KCNIP1: variants seen among roughly 807,000 people sequenced by gnomAD.
KCNIP1 encodes potassium voltage-gated channel interacting protein 1.
In KCNIP1, 18 loss-of-function variants were observed where a neutral mutation model predicts 33.0. The observed-to-expected ratio is 0.55, with a 90% CI of 0.38 to 0.81. The LOEUF (loss-of-function observed/expected upper bound fraction) is 0.81, where lower values mean the gene tolerates loss of function less well. KCNIP1 is among the 30% of genes least tolerant of loss of function. The pLI is 0.00. For synonymous variants in KCNIP1, 93 were observed against 98.3 expected, an observed-to-expected ratio of 0.95 and a Z score of 0.32; for missense variants, 238 against 271.6, an observed-to-expected ratio of 0.88 and a Z score of 0.87.
chr5:170,372,255 C>T lies in KCNIP1; in HGVS notation c.88+18291C>T, dbSNP rs371373098. 6.8e-4 allele frequency among the ~76,000 whole-genome samples: 104 copies of T among 152,230 alleles called. 5 individuals are homozygous for T. The South Asian group carries it at 0.02, about 29-fold the overall frequency. On this transcript the variant is annotated intron_variant, in intron 1 of 7. Transcript: ENST00000377360. The stretch of plus-strand genomic sequence containing the variant: ...AGGATATAACTCAGAAACAGGCAGA[C>T]GGAAGAGACACACAGGGCAAGGTAT...
chr5:170,496,462 T>C lies in KCNIP1; in HGVS notation c.88+142498T>C, dbSNP rs116671259. Among the ~76,000 whole-genome samples the C allele has an allele frequency of 6.8e-3, 1,042 of 152,310 alleles. 13 individuals are homozygous for C. Among genetic ancestry groups the C allele is most frequent in the African/African-American group, 0.024 (1,004 of 41,568 alleles). ...TCAGGAAGGTTGCTTAACCTCTCTG[T>C]GCCTTAGCTGCCTCATCTATAAAAC... is the stretch of plus-strand genomic sequence containing the variant. On this transcript the variant is annotated intron_variant, in intron 1 of 7. Transcript: ENST00000377360.
At chr5:170,705,845 T>C (rs1245323636) in intron 1 of KCNIP1, among the ~76,000 whole-genome samples, 1 of 152,188 alleles carries the variant, frequency 6.6e-6, no homozygotes, top group Non-Finnish European at 1.5e-5. Flanking sequence ...GATTCTGTTG[T>C]TGAGAATGAC....
intron 5 of KCNIP1, among the ~76,000 whole-genome samples, chr5:170,731,872 C>CAAAAAA (rs1157286321): frequency 3.3e-3 from 54 of 16,146 alleles, no homozygotes; most frequent in Non-Finnish European, 4.7e-3. Context: ...GACTCCGTCT[C>CAAAAAA]AAAAAAAAAA....
At chr5:170,522,209 C>G (rs1419631640) in intron 1 of KCNIP1, among the ~76,000 whole-genome samples, 1 of 152,238 alleles carries the variant, frequency 6.6e-6, no homozygotes, top group Non-Finnish European at 1.5e-5. Context: ...CGCACCAAGC[C>G]TATCCAGGGA....
chr5:170,720,972 C>T (rs895211567), intron 3 of KCNIP1, among the ~76,000 whole-genome samples: 1 of 152,264 alleles, frequency 6.6e-6, no homozygotes, highest in Non-Finnish European at 1.5e-5. Flanking sequence ...TGCTCTGTTG[C>T]CCTGCCCGAC....
At chr5:170,581,125 G>A (rs1421940875) in intron 1 of KCNIP1, among the ~76,000 whole-genome samples, 2 of 152,170 alleles carry the variant, frequency 1.3e-5, no homozygotes, top group African/African-American at 4.8e-5. Context: ...TTCTTAGCCT[G>A]GGATGCAAAA....
chr5:170,733,735 G>T, intron 6 of KCNIP1, 101 bp from the exon 7 acceptor site: 1 of 955,726 alleles, frequency 1.0e-6, no homozygotes, highest in Non-Finnish European at 1.6e-6. Flanking sequence ...AATGAAATGA[G>T]CTCCAGCTCG....
upstream of KCNIP1, among the ~76,000 whole-genome samples, chr5:170,501,048 A>G (rs1033806630): frequency 3.9e-5 from 6 of 152,214 alleles, no homozygotes; most frequent in African/African-American, 9.7e-5. Context: ...GGTTAAGCAG[A>G]AAGTAGAGAG....
At chr5:170,435,322 A>G (rs1003602676) in intron 1 of KCNIP1, among the ~76,000 whole-genome samples, 1 of 152,176 alleles carries the variant, frequency 6.6e-6, no homozygotes, top group Admixed American at 6.5e-5. Context: ...CCTCATCCCC[A>G]GCTTCTGAGG....
chr5:170,376,148 T>TC, intron 1 of KCNIP1: 1 of 144,642 alleles, frequency 6.9e-6, no homozygotes, highest in Non-Finnish European at 1.5e-5. Context: ...TCATGACTTA[T>TC]TCTTTTTTTT....
intron 1 of KCNIP1, among the ~76,000 whole-genome samples, chr5:170,663,231 A>G (rs576315062): frequency 9.2e-5 from 14 of 152,216 alleles, no homozygotes; most frequent in Non-Finnish European, 1.3e-4. Context: ...GTTGCTAAAC[A>G]TCTGAGCCAG....
intron 1 of KCNIP1, among the ~76,000 whole-genome samples, chr5:170,555,044 C>T (rs2113434540): frequency 6.6e-6 from 1 of 152,276 alleles, no homozygotes; most frequent in African/African-American, 2.4e-5. Flanking sequence ...TGTAATTATC[C>T]CTCATTGCTG....
chr5:170,484,650 TC>T (rs1757045469), intron 1 of KCNIP1, among the ~76,000 whole-genome samples: 2 of 152,036 alleles, frequency 1.3e-5, no homozygotes, highest in Admixed American at 1.3e-4. Flanking sequence ...TCTCAACATG[TC>T]CTTCTCTCTA....
intron 1 of KCNIP1, among the ~76,000 whole-genome samples, chr5:170,606,915 G>A (rs943416798): frequency 4.6e-5 from 7 of 152,176 alleles, no homozygotes; most frequent in Non-Finnish European, 5.9e-5. Context: ...ACCAGGCAGC[G>A]CCCTAGGCTG....
At chr5:170,517,921 A>T in intron 1 of KCNIP1, among the ~76,000 whole-genome samples, 1 of 144,408 alleles carries the variant, frequency 6.9e-6, no homozygotes, top group Non-Finnish European at 1.5e-5. Context: ...GGAGGCGGTG[A>T]TGGTGATAAT....
intron 1 of KCNIP1, among the ~76,000 whole-genome samples, chr5:170,548,583 CT>C (rs1334791281): frequency 6.6e-6 from 1 of 152,174 alleles, no homozygotes. Context: ...GTTACAAATT[CT>C]TGAAGAAAAT....
intron 1 of KCNIP1, among the ~76,000 whole-genome samples, chr5:170,506,721 G>A (rs73313434): frequency 0.016 from 2,507 of 152,254 alleles, 72 homozygotes; most frequent in African/African-American, 0.057. Context: ...AACAATGTTC[G>A]TTTGAGGCTC....
At chr5:170,633,453 GGGA>G (rs1357762006) in intron 1 of KCNIP1, among the ~76,000 whole-genome samples, 2 of 151,014 alleles carry the variant, frequency 1.3e-5, no homozygotes, top group Non-Finnish European at 2.9e-5. Context: ...GCAGATGTCT[GGGA>G]GGAGAGCTTT....
At chr5:170,641,011 C>A (rs1360574634) in intron 1 of KCNIP1, among the ~76,000 whole-genome samples, 1 of 152,122 alleles carries the variant, frequency 6.6e-6, no homozygotes, top group African/African-American at 2.4e-5. Flanking sequence ...AATCACAAAT[C>A]CCCTGGTTGC....
Sources: gnomAD v4.1 joint callset for allele counts (sites outside exome capture counted in the v4.1 genomes callset) on GRCh38, gnomAD v4.1.1 for gene constraint, MANE v1.5 for transcripts, NCBI Gene and HGNC (gene_info 2026-07-23, HGNC 2026-07-21) for gene names.